UCK2: variants seen among roughly 807,000 people sequenced by gnomAD.
UCK2 encodes the protein uridine-cytidine kinase 2.
UCK2 carries 6 observed loss-of-function variants against 30.8 expected under a neutral mutation model. The ratio of observed to expected loss-of-function variants is 0.19; its 90% CI spans 0.11 to 0.38. The LOEUF is 0.38. Among genes scored for constraint, UCK2 ranks in the 10% least tolerant of loss-of-function variants. The probability of loss-of-function intolerance (pLI) is 1.00; values close to 1 mark genes in which losing one functional copy is unlikely to be tolerated. For synonymous variants in UCK2, 125 were observed against 133.6 expected (o/e 0.94, Z 0.45); for missense variants, 210 against 339.8 (o/e 0.62, Z 3.00).
At chr1:165,861,167 G>T (rs1032525787) in intron 1 of UCK2, among the ~76,000 whole-genome samples, 2 of 151,890 alleles carry the variant, frequency 1.3e-5, no homozygotes, top group Non-Finnish European at 2.9e-5. Flanking sequence ...CTTTTAAAAG[G>T]GCGCTAATTC....
intron 1 of UCK2, among the ~76,000 whole-genome samples, chr1:165,850,372 C>T (rs997079533): frequency 2.0e-5 from 3 of 152,136 alleles, no homozygotes; most frequent in Non-Finnish European, 4.4e-5. Flanking sequence ...TCAAGTGTTC[C>T]ATCTGCCTTG....
At chr1:165,897,997 C>T (rs1647327861) in intron 4 of UCK2, 1 of 152,208 alleles carries the variant, frequency 6.6e-6, no homozygotes, top group Non-Finnish European at 1.5e-5. Context: ...TGTCACGACT[C>T]TGGCTGGGTA....
At chr1:165,905,580 C>T (rs1647628414) in intron 5 of UCK2, among the ~76,000 whole-genome samples, 2 of 152,158 alleles carry the variant, frequency 1.3e-5, no homozygotes, top group South Asian at 2.1e-4. Context: ...AGTTATCAAT[C>T]GAATTATGAA....
At chr1:165,905,768 A>C (rs1400820415) in intron 5 of UCK2, among the ~76,000 whole-genome samples, 153 bp from the exon 6 acceptor site, 1 of 152,202 alleles carries the variant, frequency 6.6e-6, no homozygotes, top group East Asian at 1.9e-4. Context: ...ATTCACTGTG[A>C]AGTTGTAAAC....
intron 2 of UCK2, chr1:165,890,893 A>G (rs1033138781): frequency 3.4e-6 from 1 of 296,474 alleles, no homozygotes; most frequent in African/African-American, 2.2e-5. Context: ...TCCCCCAGTC[A>G]TGGGTTTGCT....
intron 1 of UCK2, among the ~76,000 whole-genome samples, chr1:165,879,571 T>TATTATTATTATTA (rs1553199402): frequency 1.3e-5 from 2 of 150,868 alleles, no homozygotes. Context: ...TTATTATTAT[T>TATTATTATTATTA]TTGTCAGTAG....
chr1:165,901,264 T>A (rs1401275651), intron 4 of UCK2, among the ~76,000 whole-genome samples: 1 of 152,212 alleles, frequency 6.6e-6, no homozygotes, highest in Non-Finnish European at 1.5e-5. Context: ...AGGTCTCCCA[T>A]GGAGAAAACA....
chr1:165,843,425 A>C (rs946831883), intron 1 of UCK2, among the ~76,000 whole-genome samples: 6 of 152,330 alleles, frequency 3.9e-5, no homozygotes, highest in African/African-American at 1.2e-4. Context: ...TCGTTAGGCC[A>C]CAGGTTTTTT....
intron 3 of UCK2, among the ~76,000 whole-genome samples, chr1:165,894,906 A>G (rs1042193432): frequency 1.3e-5 from 2 of 152,208 alleles, no homozygotes; most frequent in African/African-American, 4.8e-5. Flanking sequence ...TGTGCTAGTC[A>G]GGGTGAGTGG....
In UCK2 at chr1:165,893,984, A is replaced by G. The variant is rs994849743; in HGVS notation, c.357-2206A>G. ...CCCTAATCTAAAAACCCAAAATGTG[A>G]AATGCTCCAAAATCTGAAACTTTTT... On this transcript the variant is annotated intron_variant, in intron 3 of 6. Transcript: ENST00000367879. Among the ~76,000 whole-genome samples the G allele has an allele frequency of 3.7e-4, 56 of 152,196 alleles. 2 individuals carry two copies. Among genetic ancestry groups the G allele is most frequent in the African/African-American group, 1.3e-3 (52 of 41,450 alleles).
At chr1:165,837,858 C>T (rs2101850321) in intron 1 of UCK2, among the ~76,000 whole-genome samples, 1 of 152,296 alleles carries the variant, frequency 6.6e-6, no homozygotes, top group East Asian at 1.9e-4. Flanking sequence ...CTTGAACGTG[C>T]TCAATCTTTA....
intron 3 of UCK2, among the ~76,000 whole-genome samples, chr1:165,893,742 A>G (rs1655824875): frequency 6.6e-6 from 1 of 152,202 alleles, no homozygotes; most frequent in Non-Finnish European, 1.5e-5. Flanking sequence ...TGCTCAATAA[A>G]TTTGTTGTTG....
At position 165,895,639 on chromosome 1, in the gene UCK2, C is replaced by A. The variant is rs543205791; in HGVS notation, c.357-551C>A. On this transcript the variant is annotated intron_variant, in intron 3 of 6. Transcript: ENST00000367879. ...TTCTGTACTTCCTCACAAATGCTTT[C>A]TCGTCTGTATCCTCTTTCCCAAAAC... is the stretch of plus-strand genomic sequence containing the variant. 1.7e-5 allele frequency: 17 copies of A among 985,800 alleles called. No homozygotes were observed. In the South Asian group the frequency reaches 8.0e-4, roughly 46 times the overall value. 61.1% of individuals were successfully genotyped at this position (985,800 alleles called of 1,614,324 possible). A position where few individuals can be genotyped will look rare whatever the true frequency, so the allele number is the denominator to read the frequency against.
intron 1 of UCK2, among the ~76,000 whole-genome samples, chr1:165,864,300 G>A (rs1208734191): frequency 6.6e-6 from 1 of 152,182 alleles, no homozygotes; most frequent in Non-Finnish European, 1.5e-5. Flanking sequence ...CAGGTCCTAG[G>A]TCTGCCACCT....
rs1653930349 is a variant in UCK2, at chr1:165,827,942, G to A, written c.99+10G>A. 2 of 1,356,982 alleles carry A rather than the reference G, an allele frequency of 1.5e-6. No homozygotes were observed. Among genetic ancestry groups the A allele is most frequent in the Non-Finnish European group, 1.9e-6 (2 of 1,045,080 alleles). The allele number at this position is 1,356,982 out of a possible 1,614,324, so 84.1% of individuals were successfully genotyped here. On this transcript the variant is annotated intron_variant, in intron 1 of 6. Coordinates refer to ENST00000367879, the MANE Select transcript of UCK2 (RefSeq NM_012474.5). ...AACAGCTAGCGGCAAGGTACGGCGG[G>A]GCCCGGAGCCGCGCTCCCTTCCCGG... is the stretch of plus-strand genomic sequence containing the variant.
Position 165,910,051 on chromosome 1 carries a change from C to T in UCK2, c.*2228C>T, listed in dbSNP as rs1160459303. On this transcript the variant is annotated 3_prime_UTR_variant, in exon 7 of 7. Transcript: ENST00000367879. Reference sequence around the variant, plus strand: ...CTCCAATATCTCTGAATAGCCCACTCCTAGCTTGGAAACAGCTATAAGGGC... The same window carrying T: ...CTCCAATATCTCTGAATAGCCCACTTCTAGCTTGGAAACAGCTATAAGGGC... The T allele has an allele frequency of 1.3e-5, 2 of 152,248 alleles. No homozygotes were observed. Among genetic ancestry groups the T allele is most frequent in the Non-Finnish European group, 2.9e-5 (2 of 68,084 alleles). 9.4% of individuals were successfully genotyped at this position (152,248 alleles called of 1,614,324 possible). A position where few individuals can be genotyped will look rare whatever the true frequency, so the allele number is the denominator to read the frequency against.
intron 1 of UCK2, among the ~76,000 whole-genome samples, chr1:165,889,715 CTTTT>C (rs1655716379): frequency 7.9e-6 from 1 of 126,142 alleles, no homozygotes; most frequent in Non-Finnish European, 1.7e-5. Flanking sequence ...TTTAATTTAA[CTTTT>C]AAGTTCAGGG....
At position 165,866,876 on chromosome 1, in the gene UCK2, A is replaced by G. The variant is rs115963652; in HGVS notation, c.100-23328A>G. The stretch of plus-strand genomic sequence containing the variant: ...AGGCTACGTATCATTGTATGTATAT[A>G]TCAATTTATTCATCAATAGGCACTG... On this transcript the variant is annotated intron_variant, in intron 1 of 6. Coordinates refer to ENST00000367879, the MANE Select transcript of UCK2 (RefSeq NM_012474.5). Among the ~76,000 whole-genome samples, 421 of 152,358 alleles carry G rather than the reference A, an allele frequency of 2.8e-3. 2 individuals carry two copies. Among genetic ancestry groups the G allele is most frequent in the African/African-American group, 9.4e-3 (393 of 41,592 alleles).
chr1:165,836,228 C>CAAAAAAAAAAA (rs1285741977), intron 1 of UCK2, among the ~76,000 whole-genome samples: 25 of 149,614 alleles, frequency 1.7e-4, no homozygotes, highest in African/African-American at 6.1e-4. Flanking sequence ...GACTCCGTCT[C>CAAAAAAAAAAA]AAAACAAAAA....
Sources: allele counts gnomAD v4.1 joint callset (sites outside exome capture counted in the v4.1 genomes callset), GRCh38; gene constraint gnomAD v4.1.1; transcripts MANE v1.5; gene names NCBI Gene and HGNC (gene_info 2026-07-23, HGNC 2026-07-21).